The following GPC6 variants were observed in gnomAD, a reference collection of about 807,000 sequenced individuals.
GPC6 encodes glypican 6, also known as glypican-6.
GPC6 carries 14 observed loss-of-function variants against 55.2 expected under a neutral mutation model. The observed-to-expected ratio is 0.25, with a 90% CI of 0.17 to 0.40. The LOEUF (loss-of-function observed/expected upper bound fraction) is 0.40, where lower values mean the gene tolerates loss of function less well. GPC6 is among the 10% of genes least tolerant of loss of function. GPC6 has a pLI of 1.00. For missense variants in GPC6, 641 were observed against 708.5 expected, an observed-to-expected ratio of 0.90 and a Z score of 1.08; for synonymous variants, 278 against 259.6, an observed-to-expected ratio of 1.07 and a Z score of -0.68.
At chr13:93,611,084 G>A (rs1225978615) in intron 2 of GPC6, among the ~76,000 whole-genome samples, 2 of 152,206 alleles carry the variant, frequency 1.3e-5, no homozygotes, top group East Asian at 1.9e-4. Context: ...GTTTAAAAGA[G>A]TCTAAAATCT....
intron 2 of GPC6, among the ~76,000 whole-genome samples, chr13:93,741,548 A>G (rs1286279847): frequency 6.6e-6 from 1 of 152,164 alleles, no homozygotes; most frequent in Non-Finnish European, 1.5e-5. Context: ...TACTTCTCTT[A>G]CAAACCTGGG....
intron 3 of GPC6, among the ~76,000 whole-genome samples, chr13:93,940,501 C>A (rs980610455): frequency 5.3e-5 from 8 of 151,690 alleles, no homozygotes; most frequent in African/African-American, 1.9e-4. Context: ...TAAATCACAT[C>A]TCAACTGATT....
At chr13:94,391,749 T>G (rs1249149306) in intron 7 of GPC6, among the ~76,000 whole-genome samples, 1 of 152,202 alleles carries the variant, frequency 6.6e-6, no homozygotes, top group Non-Finnish European at 1.5e-5. Context: ...TCCACAGAAC[T>G]TTTTTATCTT....
chr13:93,345,861 C>T (rs1331085015), intron 1 of GPC6, among the ~76,000 whole-genome samples: 1 of 152,160 alleles, frequency 6.6e-6, no homozygotes, highest in Admixed American at 6.6e-5. Context: ...GCTTACTGTG[C>T]ATTTCTCCAG....
intron 2 of GPC6, among the ~76,000 whole-genome samples, chr13:93,743,787 G>T (rs1884290285): frequency 6.6e-6 from 1 of 151,740 alleles, no homozygotes; most frequent in Non-Finnish European, 1.5e-5. Context: ...ATGTCTCCCT[G>T]TGTACTATTT....
chr13:93,398,687 A>G (rs111515926), intron 1 of GPC6, among the ~76,000 whole-genome samples: 17 of 152,286 alleles, frequency 1.1e-4, no homozygotes, highest in African/African-American at 3.8e-4. Context: ...GTCCTATGCC[A>G]GATACTTGAC....
intron 4 of GPC6, among the ~76,000 whole-genome samples, chr13:94,124,955 AAAAC>A (rs1461275315): frequency 6.6e-6 from 1 of 152,158 alleles, no homozygotes; most frequent in African/African-American, 2.4e-5. Flanking sequence ...GATAAACTGA[AAAAC>A]AAGCAAGCAA....
intron 2 of GPC6, among the ~76,000 whole-genome samples, chr13:93,713,163 T>C (rs1304078393): frequency 6.6e-6 from 1 of 151,554 alleles, no homozygotes; most frequent in Non-Finnish European, 1.5e-5. Flanking sequence ...TTATCCAAAA[T>C]ATAGGATTCA....
intron 5 of GPC6, among the ~76,000 whole-genome samples, chr13:94,289,114 A>T (rs1874800078): frequency 1.3e-5 from 2 of 151,222 alleles, no homozygotes; most frequent in Non-Finnish European, 2.9e-5. Flanking sequence ...TTGTAGGCAG[A>T]TGCTTGTTGA....
At chr13:94,081,933 C>T (rs762391250) in intron 4 of GPC6, among the ~76,000 whole-genome samples, 21 of 150,678 alleles carry the variant, frequency 1.4e-4, no homozygotes, top group Admixed American at 2.0e-4. Context: ...CTCCACCTCC[C>T]GGATTCAAGC....
chr13:94,045,857 C>T (rs1441985759), intron 4 of GPC6, among the ~76,000 whole-genome samples: 4 of 151,802 alleles, frequency 2.6e-5, no homozygotes, highest in African/African-American at 4.8e-5. Context: ...AGAGAATGTC[C>T]ATAATATTAG....
At chr13:93,418,326 T>A (rs1280656855) in intron 1 of GPC6, among the ~76,000 whole-genome samples, 1 of 151,438 alleles carries the variant, frequency 6.6e-6, no homozygotes, top group Non-Finnish European at 1.5e-5. Flanking sequence ...ATACAATTAA[T>A]TATCATTAAC....
intron 2 of GPC6, among the ~76,000 whole-genome samples, chr13:93,605,192 T>C (rs941470979): frequency 6.6e-6 from 1 of 152,166 alleles, no homozygotes; most frequent in Admixed American, 6.5e-5. Flanking sequence ...AAAATACCTA[T>C]TAACCTGCTT....
chr13:94,020,867 A>G (rs1391947734), intron 3 of GPC6, among the ~76,000 whole-genome samples: 1 of 152,188 alleles, frequency 6.6e-6, no homozygotes, highest in African/African-American at 2.4e-5. Context: ...AGCTTACTAC[A>G]AAGCCTATTT....
chr13:93,302,045 C>G (rs1412571970), intron 1 of GPC6, among the ~76,000 whole-genome samples: 2 of 152,134 alleles, frequency 1.3e-5, no homozygotes, highest in African/African-American at 4.8e-5. Context: ...CTGAAAAGAT[C>G]ACAATTGGGT....
intron 4 of GPC6, among the ~76,000 whole-genome samples, chr13:94,118,248 T>A (rs969274525): frequency 2.6e-5 from 4 of 152,012 alleles, no homozygotes; most frequent in African/African-American, 7.2e-5. Flanking sequence ...TGATAGTGAG[T>A]GAGTTCTCAC....
At chr13:93,537,364 A>G (rs1370701730) in intron 1 of GPC6, among the ~76,000 whole-genome samples, 1 of 152,192 alleles carries the variant, frequency 6.6e-6, no homozygotes, top group Non-Finnish European at 1.5e-5. Context: ...ACTATCTTGC[A>G]TCTACTATAC....
chr13:93,840,261 A>G (rs1285542368), intron 3 of GPC6, among the ~76,000 whole-genome samples: 2 of 152,186 alleles, frequency 1.3e-5, no homozygotes, highest in Non-Finnish European at 2.9e-5. Context: ...GAAACAGGAG[A>G]TGTTACAACT....
chr13:93,422,597 T>C (rs930231715), intron 1 of GPC6, among the ~76,000 whole-genome samples: 1 of 152,196 alleles, frequency 6.6e-6, no homozygotes, highest in African/African-American at 2.4e-5. Flanking sequence ...GTATATTATT[T>C]GAACTTAATA....
Sources: gnomAD v4.1 joint callset for allele counts (sites outside exome capture counted in the v4.1 genomes callset) on GRCh38, gnomAD v4.1.1 for gene constraint, MANE v1.5 for transcripts, NCBI Gene and HGNC (gene_info 2026-07-23, HGNC 2026-07-21) for gene names.